Variants in GRB7 observed in about 807,000 individuals in gnomAD.
GRB7 encodes growth factor receptor-bound protein 7.
In GRB7, 47 loss-of-function variants were observed where a neutral mutation model predicts 64.1. That is an observed-to-expected ratio of 0.73 (90% CI 0.58 to 0.94). The LOEUF (loss-of-function observed/expected upper bound fraction) is 0.94. GRB7 is among the 40% of genes least tolerant of loss of function. GRB7 has a pLI of 0.00. For missense variants in GRB7, 634 were observed against 718.4 expected (o/e 0.88, Z 1.34); for synonymous variants, 277 against 279.9 (o/e 0.99, Z 0.10).
chr17:39,745,051 A>C lies in GRB7; in HGVS notation c.1011+67A>C, dbSNP rs2060032073. 1.0e-5 allele frequency: 14 copies of C among 1,350,692 alleles called. No individual in the cohort carries two copies. The South Asian group carries it at 1.6e-4, about 15-fold the overall frequency. 83.7% of individuals were successfully genotyped at this position (1,350,692 alleles called of 1,614,324 possible). On this transcript the variant is annotated intron_variant, in intron 9 of 14. Transcript: ENST00000309156. Reference sequence around the variant, plus strand: ...GGGATCCCCAGCTCTGCCCTCAGGAAGTCTCAGGAATGAGGAGGGCATCAC... The same window carrying C: ...GGGATCCCCAGCTCTGCCCTCAGGACGTCTCAGGAATGAGGAGGGCATCAC...
intron 4 of GRB7, 52 bp from the exon 5 acceptor site, chr17:39,743,128 C>A: frequency 6.2e-7 from 1 of 1,605,846 alleles, no homozygotes. Flanking sequence ...GTGGCTCATC[C>A]AGGAGATCTG....
At chr17:39,744,350 C>T (rs2060024699) in intron 7 of GRB7, 143 bp downstream of exon 7, 13 of 1,027,144 alleles carry the variant, frequency 1.3e-5, no homozygotes, top group Non-Finnish European at 1.9e-5. Context: ...CTCCCTACAT[C>T]CTTGCCTAGC....
Position 39,747,138 on chromosome 17 carries a change from G to C in GRB7, c.*241G>C, listed in dbSNP as rs1254605206. ...TGGGTGGCCCCCTCTCCTTCTCCTA[G>C]CTCTGGAGGTGCTGCTCTAGGGCAG... is the stretch of plus-strand genomic sequence containing the variant. On this transcript the variant is annotated 3_prime_UTR_variant, in exon 15 of 15. Coordinates refer to ENST00000309156, the MANE Select transcript of GRB7 (RefSeq NM_005310.5). 1.1e-5 allele frequency: 6 copies of C among 543,216 alleles called. No individual in the cohort carries two copies. In the Admixed American group the frequency reaches 2.0e-4, roughly 18 times the overall value. The allele number at this position is 543,216 out of a possible 1,614,324, so 33.6% of individuals were successfully genotyped here.
rs770822860 is a variant in GRB7 at position 39,746,163 on chromosome 17, G to A, written c.1413G>A (p.Leu471=). The A allele has an allele frequency of 3.7e-6, 6 of 1,613,890 alleles. No homozygotes were observed. In the East Asian group the frequency reaches 6.7e-5, roughly 18 times the overall value. The stretch of plus-strand genomic sequence containing the variant: ...ACCCCCAGGGCTTTGTCCTCTCTTT[G>A]TGCCACCTGCAGAAAGTGAAGCATT... ...QRNPQGFVLS[L]CHLQKVKHYL... is the part of the protein sequence containing the mutation. The change falls in exon 14 of 15, where the codon TTG becomes TTA. Residue 471 remains leucine (L), a synonymous_variant. Coordinates refer to ENST00000309156, the MANE Select transcript of GRB7 (RefSeq NM_005310.5).
chr17:39,743,925 C>T lies in GRB7; in HGVS notation c.664-145C>T, dbSNP rs116179796. 1.4e-3 allele frequency: 1,367 copies of T among 975,320 alleles called. 13 individuals carry two copies. The African/African-American group carries it at 0.021, about 15-fold the overall frequency. 60.4% of individuals were successfully genotyped at this position (975,320 alleles called of 1,614,324 possible). A position where few individuals can be genotyped will look rare whatever the true frequency, so the allele number is the denominator to read the frequency against. On this transcript the variant is annotated intron_variant, in intron 6 of 14. Transcript: ENST00000309156. ...GGAGGATCACTTGAGCTCGGGAGGT[C>T]GAGGTTGCAGTGAGCTGTGATCGTG...
chr17:39,745,290 T>C lies in GRB7; in HGVS notation c.1059T>C (p.His353=), dbSNP rs1422871657. The change falls in exon 10 of 15, where the codon CAT becomes CAC. Residue 353 remains histidine (H), a synonymous_variant. Coordinates refer to ENST00000309156, the MANE Select transcript of GRB7 (RefSeq NM_005310.5). ...ATTACCAGCAGGCACAGTCTCGCCATCTGCATCCATCTTGTTTGGGCTCCC... is the reference window on the plus strand; with the variant it reads ...ATTACCAGCAGGCACAGTCTCGCCACCTGCATCCATCTTGTTTGGGCTCCC... ...YKNYQQAQSR[H]LHPSCLGSPP... is the part of the protein sequence containing the mutation. 6.2e-7 allele frequency: 1 copy of C among 1,612,596 alleles called. No homozygotes were observed. The highest frequency in any genetic ancestry group is 8.5e-7 in the Non-Finnish European group (1 of 1,179,204).
chr17:39,745,659 C>A, intron 11 of GRB7, 69 bp from the exon 12 acceptor site: 1 of 1,579,244 alleles, frequency 6.3e-7, no homozygotes, highest in Non-Finnish European at 8.7e-7. Flanking sequence ...AAGTGCTCTA[C>A]CTTCCTGAGG....
chr17:39,739,077 G>T (rs955602168), intron 1 of GRB7: 3 of 604,266 alleles, frequency 5.0e-6, no homozygotes, highest in Non-Finnish European at 7.7e-6. Flanking sequence ...AGAGACCCAG[G>T]TTCCCGGTCT....
chr17:39,740,659 C>T (rs553340242), intron 1 of GRB7, among the ~76,000 whole-genome samples: 4 of 152,184 alleles, frequency 2.6e-5, no homozygotes, highest in Non-Finnish European at 4.4e-5. Context: ...CCTCCTCCCC[C>T]ATCCTGTTCC....
At chr17:39,739,183 C>T (rs930513790) in intron 1 of GRB7, among the ~76,000 whole-genome samples, 1 of 151,180 alleles carries the variant, frequency 6.6e-6, no homozygotes, top group East Asian at 1.9e-4. Flanking sequence ...CACCGCCCCC[C>T]AGGAATGCCC....
At position 39,744,449 on chromosome 17, in the gene GRB7, C is replaced by T. The variant is rs879728015; in HGVS notation, c.802-104C>T. 2.1e-6 allele frequency: 2 copies of T among 969,360 alleles called. 1 individual carries two copies. The highest frequency in any genetic ancestry group is 3.2e-6 in the Non-Finnish European group (2 of 629,890). 60.0% of individuals were successfully genotyped at this position (969,360 alleles called of 1,614,324 possible). ...ATTTGCTGTGTGACCCTGGGTATTC[C>T]CCTGCCCCTCTCTGGTCCTGAAATC... On this transcript the variant is annotated intron_variant, in intron 7 of 14. Transcript: ENST00000309156.
intron 1 of GRB7, chr17:39,740,201 G>C (rs994221617): frequency 7.2e-6 from 7 of 978,710 alleles, no homozygotes; most frequent in Non-Finnish European, 7.3e-6. Flanking sequence ...GGGTGGGAGT[G>C]GGGGATTGTG....
intron 1 of GRB7, among the ~76,000 whole-genome samples, chr17:39,739,729 G>T (rs543756361): frequency 2.6e-5 from 4 of 152,276 alleles, no homozygotes; most frequent in African/African-American, 9.6e-5. Flanking sequence ...GGAACCACTG[G>T]GGGAGGAGGC....
In GRB7 at chr17:39,742,972, G is replaced by A. The variant is rs991948369; in HGVS notation, c.381G>A (p.Val127=). The A allele has an allele frequency of 3.1e-6, 5 of 1,613,364 alleles. No individual in the cohort carries two copies. The Admixed American group carries it at 8.3e-5, about 27-fold the overall frequency. ...CAGCAGGTGCCACAGCTCGCCACGT[G>A]TGTGAAATGCTGGTGCAGCGAGCTC... ...EVAAGATARH[V]CEMLVQRAHA... The change falls in exon 4 of 15, where the codon GTG becomes GTA. Residue 127 remains valine (V), a synonymous_variant. Transcript: ENST00000309156.
In GRB7 at chr17:39,744,613, C is replaced by T. The variant is rs764797849; in HGVS notation, c.862C>T (p.Gln288Ter). 1.9e-5 allele frequency: 31 copies of T among 1,611,964 alleles called. No individual in the cohort carries two copies. Among genetic ancestry groups the T allele is most frequent in the Non-Finnish European group, 2.6e-5 (31 of 1,179,072 alleles). Reference protein sequence around the residue: ...VNESNVYVVTQGRKLYGMPTD... With the variant: ...VNESNVYVVT ...CGAGTCCAACGTGTACGTGGTGACG[C>T]AGGGCCGCAAGCTCTACGGGATGCC... Residue 288 changes from glutamine (Q) to a stop codon, truncating the protein, a stop_gained, in exon 8 of 15, where the codon CAG becomes TAG. Coordinates refer to ENST00000309156, the MANE Select transcript of GRB7 (RefSeq NM_005310.5). LOFTEE classifies it high-confidence loss of function.
intron 14 of GRB7, 57 bp from the exon 15 acceptor site, chr17:39,746,694 G>C: frequency 6.3e-7 from 1 of 1,584,812 alleles, no homozygotes; most frequent in Non-Finnish European, 8.6e-7. Context: ...GCCCAGGAGG[G>C]AGCTTCCCAA....
Position 39,742,716 on chromosome 17 carries a change from T to A in GRB7, c.306T>A (p.His102Gln), listed in dbSNP as rs775033219. The part of the protein sequence containing the change: ...GLLPRDASRP[H>Q]VVKVYSEDGA... Reference sequence around the variant, plus strand: ...TCCCCCGCGATGCCAGCCGCCCCCATGTGAGTTGTCCCTCAGAAGGGAAGG... The same window carrying A: ...TCCCCCGCGATGCCAGCCGCCCCCAAGTGAGTTGTCCCTCAGAAGGGAAGG... The change falls in exon 3 of 15, where the codon CAT becomes CAA. Residue 102 changes from histidine (H) to glutamine (Q), a missense_variant and splice_region_variant. Around this residue, in one of 2 missense-constraint regions of GRB7, gnomAD observed 167 missense variants for 141.9 expected, o/e 1.18. Transcript: ENST00000309156. The A allele has an allele frequency of 6.4e-7, 1 of 1,554,172 alleles. No homozygotes were observed. The highest frequency in any genetic ancestry group is 8.7e-7 in the Non-Finnish European group (1 of 1,150,690).
chr17:39,746,037 G>A, intron 13 of GRB7, 37 bp downstream of exon 13: 1 of 1,611,788 alleles, frequency 6.2e-7, no homozygotes, highest in Non-Finnish European at 8.5e-7. Context: ...CCAGGGATAA[G>A]AGAGACTGGG....
At position 39,744,200 on chromosome 17, in the gene GRB7, C is replaced by T. The variant is rs1302460559; in HGVS notation, c.794C>T (p.Thr265Ile). Residue 265 changes from threonine to isoleucine, a missense_variant, in exon 7 of 15, where the codon ACC becomes ATC. Physicochemically the swap from Thr to Ile is moderately conservative, Grantham distance 89. Around this residue, in one of 2 missense-constraint regions of GRB7, gnomAD observed 467 missense variants for 576.6 expected, o/e 0.81. Coordinates refer to ENST00000309156, the MANE Select transcript of GRB7 (RefSeq NM_005310.5). Reference sequence around the variant, plus strand: ...GGCCTCTATTACTCCACCAAGGGCACCTCTAAGGTAAGGTCTTGAGGGTAC... The same window carrying T: ...GGCCTCTATTACTCCACCAAGGGCATCTCTAAGGTAAGGTCTTGAGGGTAC... ...RSGLYYSTKG[T>I]SKDPRHLQYV... The T allele has an allele frequency of 9.9e-6, 16 of 1,613,790 alleles. No homozygotes were observed. The highest frequency in any genetic ancestry group is 1.4e-5 in the Non-Finnish European group (16 of 1,180,022).
Sources: allele counts gnomAD v4.1 joint callset (sites outside exome capture counted in the v4.1 genomes callset), GRCh38; gene constraint gnomAD v4.1.1; regional missense constraint gnomAD v4.1.1; transcripts MANE v1.5; gene names NCBI Gene and HGNC (gene_info 2026-07-23, HGNC 2026-07-21).